MTMR14: variants seen among roughly 807,000 people sequenced by gnomAD.
The protein encoded by MTMR14 is phosphatidylinositol-3,5-bisphosphate 3-phosphatase MTMR14.
In MTMR14, 48 loss-of-function variants were observed where a neutral mutation model predicts 86.3. The ratio of observed to expected loss-of-function variants is 0.56; its 90% confidence interval spans 0.44 to 0.71. The LOEUF is 0.71. MTMR14 is among the 30% of genes least tolerant of loss of function. The probability of loss-of-function intolerance (pLI) is 0.00; values close to 1 mark genes in which losing one functional copy is unlikely to be tolerated. For missense variants in MTMR14, 780 were observed against 834.6 expected, an observed-to-expected ratio of 0.93 and a Z score of 0.81; for synonymous variants, 366 against 326.1, an observed-to-expected ratio of 1.12 and a Z score of -1.32.
chr3:9,672,623 G>A, intron 6 of MTMR14, 62 bp from the exon 7 acceptor site: 1 of 1,374,170 alleles, frequency 7.3e-7, no homozygotes, highest in Non-Finnish European at 1.0e-6. Context: ...CCTTATTTGG[G>A]GAATGGTGTG....
Position 9,702,092 on chromosome 3 carries a change from CCAT to C in MTMR14, c.*123_*125del. 3 of 1,296,740 alleles carry C rather than the reference CCAT, an allele frequency of 2.3e-6. No homozygotes were observed. Among genetic ancestry groups the C allele is most frequent in the Non-Finnish European group, 3.3e-6 (3 of 914,120 alleles). The allele number at this position is 1,296,740 out of a possible 1,614,324, so 80.3% of individuals were successfully genotyped here. On this transcript the variant is annotated 3_prime_UTR_variant, in exon 19 of 19. Coordinates refer to ENST00000296003, the MANE Select transcript of MTMR14 (RefSeq NM_001077525.3). ...CAGGGGAAATTTCAGTCCCCCATCT[CCAT>C]CATGAACATGGCAGCCCCAAAGCTG...
chr3:9,682,313 A>G (rs1168966656), intron 9 of MTMR14, among the ~76,000 whole-genome samples: 2 of 152,200 alleles, frequency 1.3e-5, no homozygotes, highest in African/African-American at 4.8e-5. Flanking sequence ...CTCCAATTAC[A>G]GGTGCCGTGT....
Position 9,701,990 on chromosome 3 carries a change from C to T in MTMR14, c.*17C>T, listed in dbSNP as rs1320125538. 1.2e-6 allele frequency: 2 copies of T among 1,613,848 alleles called. No individual in the cohort carries two copies. On this transcript the variant is annotated 3_prime_UTR_variant, in exon 19 of 19. Transcript: ENST00000296003. This position sits in a 1 kb window ranked among gnomAD's most constrained non-coding sequence, Gnocchi z 4.2. ...GCCTTGTGAAGAAGCCAGCCCATGA[C>T]ATTTTCCTGCTCCTCTCTCAGCTGA...
intron 3 of MTMR14, 110 bp downstream of exon 3, chr3:9,662,485 T>C (rs766825406): frequency 2.3e-6 from 2 of 878,266 alleles, no homozygotes; most frequent in Non-Finnish European, 1.9e-6. Context: ...AAGCATTGGG[T>C]GGTTACTGGG....
At chr3:9,662,048 A>C (rs1486357957) in intron 2 of MTMR14, among the ~76,000 whole-genome samples, 4 of 151,980 alleles carry the variant, frequency 2.6e-5, no homozygotes, top group African/African-American at 9.7e-5. Context: ...AGATTGCGCC[A>C]CTGCACTCTA....
chr3:9,651,108 GT>G (rs1326716554), intron 1 of MTMR14, among the ~76,000 whole-genome samples: 4 of 151,716 alleles, frequency 2.6e-5, no homozygotes, highest in South Asian at 4.2e-4. Flanking sequence ...GTTTGTTTTT[GT>G]TTTTTGTGTT....
intron 10 of MTMR14, chr3:9,683,532 G>A (rs1032216892): frequency 4.4e-5 from 17 of 388,594 alleles, no homozygotes; most frequent in Non-Finnish European, 7.7e-5. Flanking sequence ...ATTGTGTGTG[G>A]GGCCAGGATG....
chr3:9,686,357 A>G (rs2075953605), intron 13 of MTMR14, among the ~76,000 whole-genome samples: 1 of 152,160 alleles, frequency 6.6e-6, no homozygotes, highest in South Asian at 2.1e-4. Context: ...CTCCCCGACA[A>G]AGCAGACCAG....
At chr3:9,666,194 T>G (rs2048248991) in intron 3 of MTMR14, among the ~76,000 whole-genome samples, 1 of 148,312 alleles carries the variant, frequency 6.7e-6, no homozygotes, top group Non-Finnish European at 1.5e-5. Context: ...AGTGCAGTGG[T>G]GCCATCTTGG....
intron 1 of MTMR14, among the ~76,000 whole-genome samples, chr3:9,652,960 G>A (rs1179217278): frequency 1.3e-5 from 2 of 151,974 alleles, no homozygotes; most frequent in Non-Finnish European, 2.9e-5. Context: ...ATAAAGGCCG[G>A]GTGCCGTGGC....
chr3:9,686,662 AAC>A (rs544616660), intron 13 of MTMR14, among the ~76,000 whole-genome samples: 4 of 152,352 alleles, frequency 2.6e-5, no homozygotes, highest in Non-Finnish European at 5.9e-5. Flanking sequence ...AATCTTAAGT[AAC>A]ACAACATTTT....
Position 9,689,022 on chromosome 3 carries a change from G to T in MTMR14, c.1373G>T (p.Gly458Val). The change falls in exon 16 of 19, where the codon GGG becomes GTG. Residue 458 changes from glycine (G) to valine (V), a missense_variant. Coordinates refer to ENST00000296003, the MANE Select transcript of MTMR14 (RefSeq NM_001077525.3). Reference sequence around the variant, plus strand: ...ATGGAGAGTTCCCCAGGAGCCACTGGGAGCTTCACCTATGAGGCCGTGGAG... The same window carrying T: ...ATGGAGAGTTCCCCAGGAGCCACTGTGAGCTTCACCTATGAGGCCGTGGAG... The part of the protein sequence containing the change: ...LVMESSPGAT[G>V]SFTYEAVELV... The T allele has an allele frequency of 1.2e-6, 2 of 1,613,910 alleles. No homozygotes were observed. Among genetic ancestry groups the T allele is most frequent in the Non-Finnish European group, 1.7e-6 (2 of 1,180,036 alleles).
chr3:9,662,458 C>A, intron 3 of MTMR14, 83 bp downstream of exon 3: 2 of 1,153,312 alleles, frequency 1.7e-6, no homozygotes, highest in Middle Eastern at 1.9e-4. Flanking sequence ...TCTTTTTTTC[C>A]CTCAACATTA....
rs201921926 is a variant in MTMR14, at chr3:9,697,799, C to T, written c.1702C>T (p.Arg568Trp). The T allele has an allele frequency of 1.1e-4, 171 of 1,614,188 alleles. No homozygotes were observed. The East Asian group carries it at 1.8e-3, about 17-fold the overall frequency. ...MVTGCGSIQE[R>W]AVLHTDSSLP... ...AACGGGCTGTGGCAGTATTCAGGAG[C>T]GGGCTGTCCTGCACACAGACTCCTC... The change falls in exon 18 of 19, where the codon CGG (arginine) becomes TGG (tryptophan). Residue 568 changes from arginine to tryptophan, a missense_variant. By Grantham distance (101) the Arg-to-Trp change is moderately radical. Transcript: ENST00000296003.
intron 13 of MTMR14, among the ~76,000 whole-genome samples, chr3:9,687,326 C>T (rs1027794993): frequency 2.3e-4 from 35 of 152,082 alleles, no homozygotes; most frequent in African/African-American, 8.0e-4. Context: ...GAGGCTGAGG[C>T]GGGCGGGTCA....
At position 9,684,650 on chromosome 3, in the gene MTMR14, C is replaced by T. The variant is rs1301174415; in HGVS notation, c.1030C>T (p.Leu344=). ...TCGGACCCCCCTCTTCATCTCCCTC[C>T]TGCGCCTTTCCTTGTGGGCTGTGAG... ...WDRTPLFISL[L]RLSLWADGLI... is the part of the protein sequence containing the mutation. The change falls in exon 11 of 19, where the codon CTG becomes TTG. Residue 344 remains leucine, a synonymous_variant. Transcript: ENST00000296003. The T allele has an allele frequency of 1.2e-6, 2 of 1,614,076 alleles. No individual in the cohort carries two copies. Among genetic ancestry groups the T allele is most frequent in the Non-Finnish European group, 1.7e-6 (2 of 1,180,042 alleles).
chr3:9,655,511 A>G, intron 2 of MTMR14, among the ~76,000 whole-genome samples: 1 of 113,078 alleles, frequency 8.8e-6, no homozygotes. Context: ...CCCAGGCTGG[A>G]GTGCAGTGGC....
chr3:9,650,718 CAG>C (rs1050492145), intron 1 of MTMR14, among the ~76,000 whole-genome samples: 2 of 151,800 alleles, frequency 1.3e-5, no homozygotes, highest in South Asian at 2.1e-4. Flanking sequence ...TTTGTGAAAA[CAG>C]AGATTCCTTA....
At chr3:9,687,760 C>A in intron 13 of MTMR14, 61 bp from the exon 14 acceptor site, 1 of 1,460,166 alleles carries the variant, frequency 6.8e-7, no homozygotes, top group Non-Finnish European at 9.4e-7. Context: ...TGGCCGCCCT[C>A]CCCTGGGAGT....
Sources: gnomAD v4.1 joint callset for allele counts (sites outside exome capture counted in the v4.1 genomes callset) on GRCh38, gnomAD v4.1.1 for gene constraint, Gnocchi (gnomAD v3.1) non-coding constraint, MANE v1.5 for transcripts, NCBI Gene and HGNC (gene_info 2026-07-23, HGNC 2026-07-21) for gene names.